The following ERC2 variants were observed in gnomAD, a reference collection of about 807,000 sequenced individuals.
ERC2 encodes the protein ERC protein 2.
ERC2 carries 42 observed loss-of-function variants against 114.8 expected under a neutral mutation model. The ratio of observed to expected loss-of-function variants is 0.37; its 90% CI spans 0.29 to 0.47. ERC2 has a LOEUF of 0.47. ERC2 is among the 20% of genes least tolerant of loss of function. The pLI is 0.99. For synonymous variants in ERC2, 454 were observed against 425.5 expected, an observed-to-expected ratio of 1.07 and a Z score of -0.82; for missense variants, 939 against 1,150.7, an observed-to-expected ratio of 0.82 and a Z score of 2.66.
intron 14 of ERC2, among the ~76,000 whole-genome samples, chr3:55,859,879 A>G (rs73078777): frequency 0.028 from 4,257 of 152,028 alleles, 81 homozygotes; most frequent in African/African-American, 0.052. Context: ...TGTGCTTTCA[A>G]AATTGATTTT....
intron 2 of ERC2, among the ~76,000 whole-genome samples, chr3:56,432,614 A>G (rs1229302364): frequency 6.6e-6 from 1 of 152,240 alleles, no homozygotes; most frequent in Non-Finnish European, 1.5e-5. Flanking sequence ...TACACATAGA[A>G]TGAAAACAAA....
At chr3:56,118,337 C>G (rs1017114577) in intron 6 of ERC2, among the ~76,000 whole-genome samples, 2 of 152,116 alleles carry the variant, frequency 1.3e-5, no homozygotes, top group African/African-American at 4.8e-5. Flanking sequence ...ACGCAAATCT[C>G]CTAGCACAGT....
intron 10 of ERC2, among the ~76,000 whole-genome samples, chr3:55,995,074 C>T (rs1330528912): frequency 6.6e-6 from 1 of 152,180 alleles, no homozygotes; most frequent in Non-Finnish European, 1.5e-5. Context: ...GTGGCTCACG[C>T]CTGTAAACCC....
chr3:55,532,718 T>C (rs972419797), intron 17 of ERC2, among the ~76,000 whole-genome samples: 1 of 152,252 alleles, frequency 6.6e-6, no homozygotes, highest in Non-Finnish European at 1.5e-5. Flanking sequence ...GCCTGGCCAC[T>C]GGGCCCTAGT....
intron 2 of ERC2, among the ~76,000 whole-genome samples, chr3:56,369,775 C>A (rs746190257): frequency 3.3e-5 from 5 of 152,096 alleles, no homozygotes; most frequent in African/African-American, 4.8e-5. Flanking sequence ...CTCCCGGATT[C>A]AAGCAATTCT....
At chr3:55,966,147 T>TAA (rs1351640846) in intron 12 of ERC2, among the ~76,000 whole-genome samples, 3 of 152,180 alleles carry the variant, frequency 2.0e-5, no homozygotes, top group Non-Finnish European at 4.4e-5. Context: ...AACAAGGGGC[T>TAA]AGGGTCAAAT....
intron 2 of ERC2, among the ~76,000 whole-genome samples, chr3:56,404,231 T>A (rs1034941757): frequency 2.0e-5 from 3 of 152,256 alleles, no homozygotes; most frequent in Non-Finnish European, 4.4e-5. Context: ...CAATTAATAT[T>A]ATTTTTATTC....
At chr3:55,750,811 G>A (rs1476711820) in intron 14 of ERC2, among the ~76,000 whole-genome samples, 3 of 152,210 alleles carry the variant, frequency 2.0e-5, no homozygotes, top group Admixed American at 6.5e-5. Flanking sequence ...CAGTGCTGAC[G>A]TTTTCACGCA....
chr3:56,234,472 A>G (rs561069324), intron 3 of ERC2, among the ~76,000 whole-genome samples: 4 of 152,230 alleles, frequency 2.6e-5, no homozygotes, highest in Non-Finnish European at 5.9e-5. Context: ...ATTCCATTAG[A>G]TAAACTATTA....
intron 1 of ERC2, among the ~76,000 whole-genome samples, chr3:56,466,612 C>G (rs936397713): frequency 6.6e-6 from 1 of 152,216 alleles, no homozygotes; most frequent in Non-Finnish European, 1.5e-5. Context: ...CCCACCACCA[C>G]CGAACTGACA....
chr3:56,001,143 G>A (rs1243239256), intron 10 of ERC2, among the ~76,000 whole-genome samples: 1 of 151,070 alleles, frequency 6.6e-6, no homozygotes. Context: ...GAAGGAGAAG[G>A]CAAGAGGAGA....
At chr3:55,597,352 G>A (rs964802797) in intron 17 of ERC2, among the ~76,000 whole-genome samples, 1 of 151,594 alleles carries the variant, frequency 6.6e-6, no homozygotes, top group Admixed American at 6.6e-5. Context: ...CCCAGGAGGT[G>A]GAGCTTGCAG....
At chr3:55,764,576 T>C (rs971510776) in intron 14 of ERC2, among the ~76,000 whole-genome samples, 1 of 152,222 alleles carries the variant, frequency 6.6e-6, no homozygotes, top group African/African-American at 2.4e-5. Flanking sequence ...TCATCAAATC[T>C]TCCTTTTCCA....
rs536472339 is a variant in ERC2 at position 56,204,033 on chromosome 3, A to C, written c.1075-30513T>G. 8.5e-5 allele frequency among the ~76,000 whole-genome samples: 13 copies of C among 152,110 alleles called. No homozygotes were observed. In the South Asian group the frequency reaches 1.2e-3, roughly 15 times the overall value. ...CGTCTCTACTAAAAATACACACACA[A>C]AAAAAAGTTAGCCGGGCGTGGTGGC... is the stretch of plus-strand genomic sequence containing the variant. On this transcript the variant is annotated intron_variant, in intron 3 of 17. Transcript: ENST00000288221.
chr3:55,908,029 T>A (rs1231164803), intron 13 of ERC2, among the ~76,000 whole-genome samples: 1 of 152,016 alleles, frequency 6.6e-6, no homozygotes, highest in African/African-American at 2.4e-5. Flanking sequence ...CCAGAAGTGA[T>A]AGCGTTTAAA....
intron 12 of ERC2, among the ~76,000 whole-genome samples, chr3:55,984,710 C>A (rs111999603): frequency 2.5e-3 from 381 of 152,254 alleles, no homozygotes; most frequent in African/African-American, 8.9e-3. Flanking sequence ...GGGGGCCATG[C>A]TTTTAATCTC....
Position 56,132,707 on chromosome 3 carries a change from C to G in ERC2, c.1473+6802G>C, listed in dbSNP as rs80035523. 5.6e-3 allele frequency among the ~76,000 whole-genome samples: 851 copies of G among 152,246 alleles called. 23 individuals carry two copies. The East Asian group carries it at 0.063, about 11-fold the overall frequency. ...GCATCATCATAGAAAATTTAAAGAT[C>G]ACCTGGGTATCCAACAATCAGAGAG... On this transcript the variant is annotated intron_variant, in intron 6 of 17. Coordinates refer to ENST00000288221, the MANE Select transcript of ERC2 (RefSeq NM_015576.3).
intron 13 of ERC2, among the ~76,000 whole-genome samples, chr3:55,890,358 T>C (rs1374426738): frequency 6.6e-6 from 1 of 152,218 alleles, no homozygotes; most frequent in Non-Finnish European, 1.5e-5. Context: ...ATGGTCTGTG[T>C]CCTCATGATT....
At chr3:55,802,217 T>C (rs966630672) in intron 14 of ERC2, among the ~76,000 whole-genome samples, 1 of 152,250 alleles carries the variant, frequency 6.6e-6, no homozygotes, top group South Asian at 2.1e-4. Context: ...CTGAACGTTA[T>C]TAACTGCCTG....
Sources: gnomAD v4.1 joint callset for allele counts (sites outside exome capture counted in the v4.1 genomes callset) on GRCh38, gnomAD v4.1.1 for gene constraint, MANE v1.5 for transcripts, NCBI Gene and HGNC (gene_info 2026-07-23, HGNC 2026-07-21) for gene names.